Variants in EYS observed in about 807,000 individuals in gnomAD.
The protein encoded by EYS is EGF-like photoreceptor maintenance factor.
A neutral mutation model predicts 282.1 loss-of-function variants in EYS; 250 were observed. That is an observed-to-expected ratio of 0.89 (90% confidence interval 0.80 to 0.98). The LOEUF is 0.98. Ranked by LOEUF, EYS falls within the 50% of genes least tolerant of loss-of-function variation. EYS has a pLI of 0.00. For missense variants in EYS, 4,016 were observed against 3,709.0 expected, an observed-to-expected ratio of 1.08 and a Z score of -2.15; for synonymous variants, 1,355 against 1,282.9, an observed-to-expected ratio of 1.06 and a Z score of -1.20.
chr6:64,649,284 T>A (rs138681054), intron 22 of EYS, among the ~76,000 whole-genome samples: 1 of 128,210 alleles, frequency 7.8e-6, no homozygotes, highest in African/African-American at 3.1e-5. Flanking sequence ...AAATCCATAC[T>A]TGTAACTTTA....
At chr6:65,068,416 C>G (rs1435825601) in intron 12 of EYS, among the ~76,000 whole-genome samples, 1 of 152,080 alleles carries the variant, frequency 6.6e-6, no homozygotes, top group African/African-American at 2.4e-5. Flanking sequence ...TGCCCATTCT[C>G]AATTTCTCCC....
At chr6:65,531,817 TA>T (rs1385573738) in intron 2 of EYS, among the ~76,000 whole-genome samples, 1 of 152,142 alleles carries the variant, frequency 6.6e-6, no homozygotes, top group Non-Finnish European at 1.5e-5. Flanking sequence ...GGAGCCACCA[TA>T]AGAAGCAACT....
At chr6:65,258,427 T>A (rs1767530327) in intron 12 of EYS, among the ~76,000 whole-genome samples, 1 of 152,024 alleles carries the variant, frequency 6.6e-6, no homozygotes, top group Non-Finnish European at 1.5e-5. Flanking sequence ...TCCTGTGAAG[T>A]TTTGATTATT....
rs961910482 is a variant in EYS at position 65,372,551 on chromosome 6, A to AT, written c.1299+11834dup. Among the ~76,000 whole-genome samples, 313 of 150,990 alleles carry AT rather than the reference A, an allele frequency of 2.1e-3. 2 individuals are homozygous for AT. Among genetic ancestry groups the AT allele is most frequent in the African/African-American group, 6.4e-3 (262 of 41,208 alleles). Reference sequence around the variant, plus strand: ...ATATAAACATGAAAATAACTATAGGATTTTTTTTTGCCATGAGCTCTTAAT... The same window carrying AT: ...ATATAAACATGAAAATAACTATAGGATTTTTTTTTTGCCATGAGCTCTTAAT... On this transcript the variant is annotated intron_variant, in intron 8 of 42. Coordinates refer to ENST00000503581, the MANE Select transcript of EYS (RefSeq NM_001142800.2).
chr6:65,345,836 G>T (rs1227791266), intron 9 of EYS, among the ~76,000 whole-genome samples: 1 of 151,586 alleles, frequency 6.6e-6, no homozygotes, highest in Middle Eastern at 3.4e-3. Flanking sequence ...GACTAAATTA[G>T]CAGAAAGGCT....
intron 33 of EYS, among the ~76,000 whole-genome samples, chr6:64,008,509 G>A (rs771817254): frequency 6.6e-6 from 1 of 152,114 alleles, no homozygotes; most frequent in African/African-American, 2.4e-5. Flanking sequence ...CTGTCATCAT[G>A]TTGTTAGTTG....
intron 29 of EYS, among the ~76,000 whole-genome samples, chr6:64,346,892 A>G (rs1448453001): frequency 6.6e-6 from 1 of 151,460 alleles, no homozygotes; most frequent in East Asian, 2.0e-4. Flanking sequence ...TTTTGATTAT[A>G]TGTATCACTA....
At chr6:64,777,012 C>T (rs1244078155) in intron 22 of EYS, among the ~76,000 whole-genome samples, 1 of 152,140 alleles carries the variant, frequency 6.6e-6, no homozygotes, top group East Asian at 1.9e-4. Context: ...CAGAAGGCAC[C>T]TCTTCACAGG....
Position 64,197,856 on chromosome 6 carries a change from CG to C in EYS, c.6424+32735del, listed in dbSNP as rs2150320341. Among the ~76,000 whole-genome samples the C allele has an allele frequency of 1.3e-5, 2 of 151,616 alleles. 1 individual carries two copies. Among genetic ancestry groups the C allele is most frequent in the South Asian group, 4.1e-4 (2 of 4,824 alleles). ...CTTACACATTTCAAAAAACATCTTA[CG>C]GCTGGGCTTTGACTCTTAATGGGAA... On this transcript the variant is annotated intron_variant, in intron 31 of 42. Coordinates refer to ENST00000503581, the MANE Select transcript of EYS (RefSeq NM_001142800.2).
At chr6:65,306,162 T>C (rs1768998940) in intron 11 of EYS, among the ~76,000 whole-genome samples, 1 of 152,228 alleles carries the variant, frequency 6.6e-6, no homozygotes, top group African/African-American at 2.4e-5. Context: ...TATTTTGCTG[T>C]AGGTGGCCAG....
chr6:65,290,651 A>T (rs1768499170), intron 12 of EYS, among the ~76,000 whole-genome samples: 1 of 151,342 alleles, frequency 6.6e-6, no homozygotes, highest in African/African-American at 2.4e-5. Flanking sequence ...CTTTGTATAA[A>T]GTCAGCACAA....
chr6:64,813,225 G>A (rs773824645), intron 22 of EYS, among the ~76,000 whole-genome samples, 153 bp downstream of exon 22: 1 of 151,994 alleles, frequency 6.6e-6, no homozygotes, highest in South Asian at 2.1e-4. Flanking sequence ...ATGACATTTT[G>A]TAATTGTTAT....
At chr6:63,982,514 T>C (rs545762663) in intron 35 of EYS, among the ~76,000 whole-genome samples, 2 of 151,972 alleles carry the variant, frequency 1.3e-5, no homozygotes, top group Admixed American at 6.6e-5. Context: ...ACTCTGCTTC[T>C]TGTTGGCTGG....
intron 41 of EYS, among the ~76,000 whole-genome samples, chr6:63,727,068 T>G (rs1768641236): frequency 6.6e-6 from 1 of 152,206 alleles, no homozygotes; most frequent in Non-Finnish European, 1.5e-5. Flanking sequence ...GGACAACACT[T>G]TATAAGTTAT....
At chr6:63,903,597 C>T (rs1394972147) in intron 35 of EYS, among the ~76,000 whole-genome samples, 1 of 152,202 alleles carries the variant, frequency 6.6e-6, no homozygotes, top group South Asian at 2.1e-4. Flanking sequence ...ACTTCTCCTT[C>T]CCTTTACCCT....
chr6:64,821,784 G>A, intron 20 of EYS, 61 bp from the exon 21 acceptor site: 1 of 993,232 alleles, frequency 1.0e-6, no homozygotes, highest in Non-Finnish European at 1.5e-6. Flanking sequence ...TAACTTCAAG[G>A]GAGTTTCACC....
chr6:65,603,519 A>AC (rs1765681314), intron 2 of EYS, among the ~76,000 whole-genome samples: 1 of 151,788 alleles, frequency 6.6e-6, no homozygotes. Context: ...ATTTCTTTGA[A>AC]CCCCCTGTTA....
intron 8 of EYS, among the ~76,000 whole-genome samples, chr6:65,382,213 G>GGT (rs1765638776): frequency 9.5e-6 from 1 of 105,016 alleles, no homozygotes; most frequent in African/African-American, 3.7e-5. Context: ...ATCCTTTGGT[G>GGT]TTTTTTTTTT....
chr6:64,511,933 A>C (rs1777419478), intron 26 of EYS, among the ~76,000 whole-genome samples: 1 of 152,000 alleles, frequency 6.6e-6, no homozygotes, highest in African/African-American at 2.4e-5. Context: ...AAATATTTGG[A>C]AGAGACTCAT....
Sources: gnomAD v4.1 joint callset for allele counts (sites outside exome capture counted in the v4.1 genomes callset) on GRCh38, gnomAD v4.1.1 for gene constraint, MANE v1.5 for transcripts, NCBI Gene and HGNC (gene_info 2026-07-23, HGNC 2026-07-21) for gene names.